The following PCDH9 variants were observed in gnomAD, a reference collection of about 807,000 sequenced individuals.
The protein encoded by PCDH9 is protocadherin-9.
PCDH9 carries 24 observed loss-of-function variants against 70.6 expected under a neutral mutation model. That is an observed-to-expected ratio of 0.34 (90% CI 0.25 to 0.48). The LOEUF (loss-of-function observed/expected upper bound fraction) is 0.48. PCDH9 is among the 20% of genes least tolerant of loss of function. PCDH9 has a pLI of 0.99. For missense variants in PCDH9, 1,281 were observed against 1,503.6 expected (o/e 0.85, Z 2.45); for synonymous variants, 562 against 558.5 (o/e 1.01, Z -0.09).
intron 4 of PCDH9, among the ~76,000 whole-genome samples, chr13:66,438,269 C>A (rs1465731881): frequency 6.6e-6 from 1 of 151,434 alleles, no homozygotes; most frequent in Admixed American, 6.6e-5. Flanking sequence ...ATGTACACTT[C>A]AATTTAACTC....
chr13:66,871,293 A>G (rs1042088248), intron 3 of PCDH9, among the ~76,000 whole-genome samples: 6 of 152,068 alleles, frequency 3.9e-5, no homozygotes, highest in Non-Finnish European at 8.8e-5. Flanking sequence ...ATGCTAAATG[A>G]CAAGTTAATG....
chr13:66,965,855 A>C (rs975208681), intron 2 of PCDH9, among the ~76,000 whole-genome samples: 30 of 151,924 alleles, frequency 2.0e-4, no homozygotes, highest in Admixed American at 5.9e-4. Context: ...AAGTGATGTA[A>C]ATTCTTATCT....
intron 3 of PCDH9, among the ~76,000 whole-genome samples, chr13:66,885,187 C>T (rs768214303): frequency 1.3e-5 from 2 of 152,082 alleles, no homozygotes; most frequent in African/African-American, 2.4e-5. Context: ...ACACAATTTC[C>T]TTGAGACACT....
intron 4 of PCDH9, among the ~76,000 whole-genome samples, chr13:66,449,827 C>T (rs145536070): frequency 1.1e-4 from 16 of 151,898 alleles, no homozygotes; most frequent in Admixed American, 7.2e-4. Context: ...ATTATGCATC[C>T]GTACTAATTC....
chr13:67,134,530 G>T (rs1298856646), intron 2 of PCDH9, among the ~76,000 whole-genome samples: 1 of 152,074 alleles, frequency 6.6e-6, no homozygotes, highest in African/African-American at 2.4e-5. Flanking sequence ...ACTACAGCCA[G>T]TTCTCTCTTG....
intron 2 of PCDH9, among the ~76,000 whole-genome samples, chr13:66,945,401 TC>T (rs1284267318): frequency 6.6e-6 from 1 of 152,084 alleles, no homozygotes; most frequent in Non-Finnish European, 1.5e-5. Flanking sequence ...AAAATTGTTT[TC>T]CCCCATTAGC....
chr13:66,704,209 A>T (rs1254023646), intron 3 of PCDH9, among the ~76,000 whole-genome samples: 1 of 152,234 alleles, frequency 6.6e-6, no homozygotes, highest in Non-Finnish European at 1.5e-5. Context: ...AAGCTTGTTC[A>T]TACAATAAAA....
chr13:66,411,516 G>T (rs1566305307), intron 4 of PCDH9, among the ~76,000 whole-genome samples: 1 of 151,976 alleles, frequency 6.6e-6, no homozygotes, highest in Non-Finnish European at 1.5e-5. Flanking sequence ...TTAAACTCTT[G>T]GGACTCAGTG....
chr13:67,148,324 A>C (rs184397560), intron 2 of PCDH9, among the ~76,000 whole-genome samples: 2 of 152,158 alleles, frequency 1.3e-5, no homozygotes, highest in East Asian at 3.9e-4. Context: ...TGTGTGAAGC[A>C]GCTTTCCCCA....
intron 3 of PCDH9, among the ~76,000 whole-genome samples, chr13:66,803,077 A>C (rs1469830269): frequency 6.6e-6 from 1 of 150,580 alleles, no homozygotes; most frequent in East Asian, 2.0e-4. Context: ...GACTACACAC[A>C]GTGTCAAGGT....
intron 2 of PCDH9, among the ~76,000 whole-genome samples, chr13:67,033,941 A>G (rs1367627018): frequency 6.6e-6 from 1 of 152,170 alleles, no homozygotes; most frequent in Non-Finnish European, 1.5e-5. Flanking sequence ...TTTATAAGAA[A>G]ATCACCGATG....
At chr13:66,324,727 C>T (rs1855549) in intron 4 of PCDH9, among the ~76,000 whole-genome samples, 1 of 151,860 alleles carries the variant, frequency 6.6e-6, no homozygotes, top group Non-Finnish European at 1.5e-5. Flanking sequence ...GTTTAGTTTC[C>T]TAAGCAAGCA....
chr13:66,559,446 A>G (rs530909166), intron 4 of PCDH9, among the ~76,000 whole-genome samples: 3 of 152,278 alleles, frequency 2.0e-5, no homozygotes, highest in South Asian at 2.1e-4. Context: ...CTCTGCTTTA[A>G]CATTATGAAA....
At chr13:66,561,970 T>A (rs1207535306) in intron 4 of PCDH9, among the ~76,000 whole-genome samples, 1 of 151,832 alleles carries the variant, frequency 6.6e-6, no homozygotes, top group Non-Finnish European at 1.5e-5. Flanking sequence ...GCTGTAACGC[T>A]CACCACAAAG....
chr13:66,847,888 T>G (rs1047032191), intron 3 of PCDH9, among the ~76,000 whole-genome samples: 9 of 152,198 alleles, frequency 5.9e-5, no homozygotes, highest in Non-Finnish European at 2.9e-5. Flanking sequence ...TTATTGTTTA[T>G]TTCCAAAATT....
chr13:66,514,293 G>C (rs1379702534), intron 4 of PCDH9, among the ~76,000 whole-genome samples: 2 of 151,998 alleles, frequency 1.3e-5, no homozygotes, highest in East Asian at 3.9e-4. Context: ...TTTTGGACTT[G>C]AGTTAGCCAT....
chr13:66,596,020 C>A lies in PCDH9; in HGVS notation c.3340+35190G>T, dbSNP rs2077098348. On this transcript the variant is annotated intron_variant, in intron 4 of 4. Transcript: ENST00000377865. ...GCATTAATAAACATTAAGAAATATT[C>A]ATTTTTAATCAATAAGATCATTTAA... is the stretch of plus-strand genomic sequence containing the variant. 2.0e-5 allele frequency among the ~76,000 whole-genome samples: 3 copies of A among 151,554 alleles called. No individual in the cohort carries two copies. In the South Asian group the frequency reaches 6.2e-4, roughly 31 times the overall value.
chr13:66,565,510 G>A (rs868456999), intron 4 of PCDH9, among the ~76,000 whole-genome samples: 36 of 152,142 alleles, frequency 2.4e-4, no homozygotes, highest in African/African-American at 8.7e-4. Flanking sequence ...TGACAGAGCA[G>A]CTGTTAATGC....
chr13:67,039,934 TG>T (rs1206108686), intron 2 of PCDH9, among the ~76,000 whole-genome samples: 10 of 151,880 alleles, frequency 6.6e-5, no homozygotes, highest in African/African-American at 2.4e-4. Flanking sequence ...AAAATCAAAT[TG>T]AAGTGTAGCT....
Sources: allele counts gnomAD v4.1 joint callset (sites outside exome capture counted in the v4.1 genomes callset), GRCh38; gene constraint gnomAD v4.1.1; transcripts MANE v1.5; gene names NCBI Gene and HGNC (gene_info 2026-07-23, HGNC 2026-07-21).